Variants in ZNF345 observed in about 807,000 individuals in gnomAD.
The protein encoded by ZNF345 is zinc finger protein 345, also known as zinc finger protein HZF10.
For synonymous variants in ZNF345, 166 were observed against 187.9 expected, an observed-to-expected ratio of 0.88 and a Z score of 0.95; for missense variants, 527 against 589.9, an observed-to-expected ratio of 0.89 and a Z score of 1.10.
chr19:36,879,442 A>G lies in ZNF345; in HGVS notation c.*1145A>G, dbSNP rs1023931396. On this transcript the variant is annotated 3_prime_UTR_variant, in exon 3 of 3. Transcript: ENST00000420450. The stretch of plus-strand genomic sequence containing the variant: ...TTTGGAAACAAGGTGTGATTATGCT[A>G]TACTATAACCAGCCCTTAATATTTT... 7 of 167,056 alleles carry G rather than the reference A, an allele frequency of 4.2e-5. No individual in the cohort carries two copies. The highest frequency in any genetic ancestry group is 2.1e-4 in the South Asian group (1 of 4,826). The allele number at this position is 167,056 out of a possible 1,614,324, so 10.3% of individuals were successfully genotyped here.
At chr19:36,873,780 T>A (rs1404045874) in intron 2 of ZNF345, among the ~76,000 whole-genome samples, 1 of 152,102 alleles carries the variant, frequency 6.6e-6, no homozygotes, top group African/African-American at 2.4e-5. Flanking sequence ...CGTCCTCCAG[T>A]TTCATGTCTG....
chr19:36,884,235 T>G (rs899942908), downstream of ZNF345, among the ~76,000 whole-genome samples: 1 of 151,972 alleles, frequency 6.6e-6, no homozygotes, highest in African/African-American at 2.4e-5. Context: ...CCAGCTAAAT[T>G]TTTGTACTTT....
chr19:36,882,782 C>T (rs549619337), downstream of ZNF345, among the ~76,000 whole-genome samples: 3 of 151,934 alleles, frequency 2.0e-5, no homozygotes, highest in Non-Finnish European at 2.9e-5. Context: ...GCCAAATATA[C>T]GTTAGGTTTT....
intron 3 of ZNF345, among the ~76,000 whole-genome samples, chr19:36,884,729 CG>C (rs1474962348): frequency 6.6e-6 from 1 of 152,146 alleles, no homozygotes; most frequent in East Asian, 1.9e-4. Context: ...GTTATACTGT[CG>C]GGTGGCCATC....
At chr19:36,882,700 G>T (rs1417650480), downstream of ZNF345, among the ~76,000 whole-genome samples, 1 of 152,118 alleles carries the variant, frequency 6.6e-6, no homozygotes, top group Non-Finnish European at 1.5e-5. Flanking sequence ...AAAAAATTTA[G>T]CATATGAACT....
At chr19:36,891,213 G>T in intron 3 of ZNF345, 1 of 313,792 alleles carries the variant, frequency 3.2e-6, no homozygotes, top group Non-Finnish European at 5.8e-6. Flanking sequence ...GCTGTTAACA[G>T]AGGTTAGGAA....
intron 3 of ZNF345, among the ~76,000 whole-genome samples, chr19:36,887,801 G>A (rs2073011588): frequency 6.6e-6 from 1 of 152,024 alleles, no homozygotes; most frequent in Non-Finnish European, 1.5e-5. Flanking sequence ...TACTTATTGG[G>A]TCTCCTGAAC....
intron 2 of ZNF345, among the ~76,000 whole-genome samples, chr19:36,864,278 A>G (rs1423858806): frequency 6.6e-6 from 1 of 152,220 alleles, no homozygotes; most frequent in Non-Finnish European, 1.5e-5. Context: ...TAATCCCAAC[A>G]CTTGGGGAAG....
chr19:36,891,355 T>G (rs925018466), intron 3 of ZNF345: 1 of 864,576 alleles, frequency 1.2e-6, no homozygotes, highest in African/African-American at 1.7e-5. Context: ...GTTTTGGTAC[T>G]TGGTACTTTG....
At chr19:36,865,540 A>T (rs1291286982) in intron 2 of ZNF345, among the ~76,000 whole-genome samples, 1 of 152,098 alleles carries the variant, frequency 6.6e-6, no homozygotes, top group African/African-American at 2.4e-5. Flanking sequence ...GGCTCACTGC[A>T]ACCTCCACCT....
At chr19:36,891,874 G>GTAA in intron 3 of ZNF345, 2 of 1,613,846 alleles carry the variant, frequency 1.2e-6, no homozygotes, top group Non-Finnish European at 1.7e-6. Context: ...TGAGTGTTGA[G>GTAA]TAAAGGCTTT....
intron 2 of ZNF345, among the ~76,000 whole-genome samples, chr19:36,859,634 T>C (rs1447530159): frequency 6.6e-6 from 1 of 152,186 alleles, no homozygotes; most frequent in Admixed American, 6.5e-5. Flanking sequence ...TGTATCTTGC[T>C]CTTGTTTACC....
In ZNF345 at chr19:36,877,324, A is replaced by T; in HGVS notation, c.494A>T (p.Gln165Leu). Residue 165 changes from glutamine to leucine, a missense_variant, in exon 3 of 3, where the codon CAG becomes CTG. Coordinates refer to ENST00000420450, the MANE Select transcript of ZNF345 (RefSeq NM_001242472.2). ...TTTGGATCAGGCCTTATTCGACATC[A>T]GATCATTCACAGTGGTGAGAAGCCT... is the stretch of plus-strand genomic sequence containing the variant. ...FSFGSGLIRH[Q>L]IIHSGEKPYE... The T allele has an allele frequency of 6.2e-7, 1 of 1,614,150 alleles. No individual in the cohort carries two copies. The highest frequency in any genetic ancestry group is 8.5e-7 in the Non-Finnish European group (1 of 1,180,008).
At chr19:36,892,491 C>T in intron 3 of ZNF345, 1 of 1,537,576 alleles carries the variant, frequency 6.5e-7, no homozygotes, top group Non-Finnish European at 8.7e-7. Context: ...AATACAAAGG[C>T]AAATAAATTT....
At chr19:36,882,641 T>C (rs1036333859), downstream of ZNF345, among the ~76,000 whole-genome samples, 4 of 152,178 alleles carry the variant, frequency 2.6e-5, no homozygotes, top group African/African-American at 9.7e-5. Context: ...ACTAGTTACC[T>C]AGGTGTCTGT....
At chr19:36,863,377 G>A (rs2146157152) in intron 2 of ZNF345, among the ~76,000 whole-genome samples, 1 of 152,290 alleles carries the variant, frequency 6.6e-6, no homozygotes, top group Non-Finnish European at 1.5e-5. Context: ...TGTTATCATA[G>A]GGTTTTCAAC....
At chr19:36,863,959 A>G (rs1195084199) in intron 2 of ZNF345, among the ~76,000 whole-genome samples, 3 of 152,218 alleles carry the variant, frequency 2.0e-5, no homozygotes, top group African/African-American at 7.2e-5. Context: ...GGAACTCTGC[A>G]CTGCAGTCAA....
chr19:36,858,574 C>G (rs909100640), intron 2 of ZNF345, among the ~76,000 whole-genome samples: 2 of 152,098 alleles, frequency 1.3e-5, no homozygotes, highest in African/African-American at 4.8e-5. Context: ...CGAGACCAGC[C>G]TGGCCAACAT....
chr19:36,852,124 C>CTTTTT (rs2072284039), intron 2 of ZNF345, among the ~76,000 whole-genome samples: 1 of 107,674 alleles, frequency 9.3e-6, no homozygotes, highest in Admixed American at 9.3e-5. Context: ...TTTTTTCTTT[C>CTTTTT]TTTCTTTTTT....
Sources: allele counts gnomAD v4.1 joint callset (sites outside exome capture counted in the v4.1 genomes callset), GRCh38; gene constraint gnomAD v4.1.1; transcripts MANE v1.5; gene names NCBI Gene and HGNC (gene_info 2026-07-23, HGNC 2026-07-21).